The following ITGA2B variants were observed in gnomAD, a reference collection of about 807,000 sequenced individuals.
The protein encoded by ITGA2B is integrin alpha-IIb.
In ITGA2B, 91 loss-of-function variants were observed where a neutral mutation model predicts 142.0. The observed-to-expected ratio is 0.64, with a 90% CI of 0.54 to 0.76. The LOEUF (loss-of-function observed/expected upper bound fraction) is 0.76. Ranked by LOEUF, ITGA2B falls within the 30% of genes least tolerant of loss-of-function variation. The probability of loss-of-function intolerance (pLI) is 0.00; values close to 1 mark genes in which losing one functional copy is unlikely to be tolerated. For synonymous variants in ITGA2B, 536 were observed against 567.2 expected (o/e 0.94, Z 0.78); for missense variants, 1,231 against 1,350.8 (o/e 0.91, Z 1.39).
At chr17:44,379,664 C>T (rs1278005640) in intron 18 of ITGA2B, 25 bp downstream of exon 18, 3 of 1,613,804 alleles carry the variant, frequency 1.9e-6, no homozygotes, top group Non-Finnish European at 2.5e-6. Context: ...CTGCACCTCC[C>T]TGGCCTGTCC....
chr17:44,377,192 C>A, intron 21 of ITGA2B, 104 bp from the exon 22 acceptor site: 1 of 835,322 alleles, frequency 1.2e-6, no homozygotes, highest in Non-Finnish European at 1.9e-6. Flanking sequence ...CACCACTATT[C>A]TTTTTCTTTT....
At chr17:44,384,791 G>C (rs2048629179) in intron 7 of ITGA2B, among the ~76,000 whole-genome samples, 157 bp downstream of exon 7, 1 of 152,186 alleles carries the variant, frequency 6.6e-6, no homozygotes, top group Non-Finnish European at 1.5e-5. Context: ...GGAGGTGGGC[G>C]GTCTGCGGGG....
chr17:44,381,746 A>C (rs932799807), intron 12 of ITGA2B, among the ~76,000 whole-genome samples: 1 of 151,068 alleles, frequency 6.6e-6, no homozygotes, highest in African/African-American at 2.4e-5. Flanking sequence ...CAATCCTCCC[A>C]CCTCAGCTTC....
chr17:44,373,457 G>A (rs950423605), intron 29 of ITGA2B, among the ~76,000 whole-genome samples: 1 of 152,182 alleles, frequency 6.6e-6, no homozygotes, highest in Non-Finnish European at 1.5e-5. Flanking sequence ...TTATACTGAA[G>A]TTTGTGTCTG....
intron 26 of ITGA2B, 162 bp from the exon 27 acceptor site, chr17:44,375,273 T>TC (rs1206986696): frequency 1.4e-6 from 1 of 695,816 alleles, no homozygotes; most frequent in Non-Finnish European, 2.5e-6. Flanking sequence ...ATGCTGTCTT[T>TC]CCACGGGCTT....
rs1598375953 is a variant in ITGA2B, at chr17:44,374,937, C to T, written c.2841+61G>A. On this transcript the variant is annotated intron_variant, in intron 27 of 29. Coordinates refer to ENST00000262407, the MANE Select transcript of ITGA2B (RefSeq NM_000419.5). ...CCCTCCCACACCAAACCCCGCCCCT[C>T]CCAGAGCAAAGTGGTCCCCGCCCAG... The T allele has an allele frequency of 5.7e-6, 8 of 1,407,082 alleles. No individual in the cohort carries two copies. In the East Asian group the frequency reaches 2.0e-4, roughly 35 times the overall value. 87.2% of individuals were successfully genotyped at this position (1,407,082 alleles called of 1,614,324 possible). A position where few individuals can be genotyped will look rare whatever the true frequency, so the allele number is the denominator to read the frequency against.
rs764369526 is a variant in ITGA2B, at chr17:44,379,739, C to T, written c.1828G>A (p.Gly610Arg). ...TGCAGCACGACAGCAGGGGCCATTC[C>T]AGCCTCCGTGGGCGGTAGGGACACA... is the stretch of plus-strand genomic sequence containing the variant. ...LNVSLPPTEA[G>R]MAPAVVLHGD... The change falls in exon 18 of 30, where the codon GGA becomes AGA. Residue 610 changes from glycine to arginine, a missense_variant. By Grantham distance (125) the Gly-to-Arg change is moderately radical. Around this residue, in one of 3 missense-constraint regions of ITGA2B, gnomAD observed 908 missense variants for 1,021.1 expected, o/e 0.89. Transcript: ENST00000262407. The T allele has an allele frequency of 6.2e-7, 1 of 1,613,994 alleles. No homozygotes were observed. Among genetic ancestry groups the T allele is most frequent in the South Asian group, 1.1e-5 (1 of 91,086 alleles).
Position 44,389,134 on chromosome 17 carries a change from C to T in ITGA2B, c.188+152G>A, listed in dbSNP as rs555185939. 8.2e-5 allele frequency: 74 copies of T among 899,386 alleles called. 1 individual carries two copies. Among genetic ancestry groups the T allele is most frequent in the Middle Eastern group, 5.0e-4 (2 of 3,986 alleles). The allele number at this position is 899,386 out of a possible 1,614,324, so 55.7% of individuals were successfully genotyped here. ...CCTTCACCTGAGCCAGTCCCCTGGA[C>T]CCCAACATTCTTGACAAGAAATCAA... On this transcript the variant is annotated intron_variant, in intron 1 of 29. Coordinates refer to ENST00000262407, the MANE Select transcript of ITGA2B (RefSeq NM_000419.5).
chr17:44,376,227 T>C (rs1396013139), intron 23 of ITGA2B, 43 bp from the exon 24 acceptor site: 10 of 1,613,620 alleles, frequency 6.2e-6, no homozygotes, highest in Non-Finnish European at 7.6e-6. Context: ...GATGCCCTGA[T>C]TGGCCTGTGA....
chr17:44,384,137 A>G lies in ITGA2B; in HGVS notation c.893T>C (p.Val298Ala). Residue 298 changes from valine to alanine, a missense_variant and splice_region_variant, in exon 10 of 30, where the codon GTG becomes GCG. Around this residue, in one of 3 missense-constraint regions of ITGA2B, gnomAD observed 908 missense variants for 1,021.1 expected, o/e 0.89. Coordinates refer to ENST00000262407, the MANE Select transcript of ITGA2B (RefSeq NM_000419.5). ...CTGGTAGTAGGAATCCAAAATTTCCACCTGCACGGACAGCGCAGGCGAGAG... is the reference window on the plus strand; with the variant it reads ...CTGGTAGTAGGAATCCAAAATTTCCGCCTGCACGGACAGCGCAGGCGAGAG... ...APTWSWTLGA[V>A]EILDSYYQRL... is the part of the protein sequence containing the mutation. 6.2e-7 allele frequency: 1 copy of G among 1,613,370 alleles called. No homozygotes were observed. The highest frequency in any genetic ancestry group is 8.5e-7 in the Non-Finnish European group (1 of 1,179,826).
At chr17:44,382,311 TC>T (rs1436044661) in intron 12 of ITGA2B, among the ~76,000 whole-genome samples, 1 of 151,970 alleles carries the variant, frequency 6.6e-6, no homozygotes, top group Non-Finnish European at 1.5e-5. Flanking sequence ...TTTTTTTTTT[TC>T]CTTTCTATTC....
rs773301639 is a variant in ITGA2B at position 44,389,466 on chromosome 17, C to T, written c.8G>A (p.Arg3Lys). The T allele has an allele frequency of 1.9e-6, 3 of 1,613,470 alleles. No individual in the cohort carries two copies. Among genetic ancestry groups the T allele is most frequent in the Non-Finnish European group, 2.5e-6 (3 of 1,179,950 alleles). The change falls in exon 1 of 30, where the codon AGA (arginine) becomes AAA (lysine). Residue 3 changes from arginine to lysine, a missense_variant. Arg to Lys is a conservative substitution (Grantham distance 26). Transcript: ENST00000262407. The stretch of plus-strand genomic sequence containing the variant: ...GAGGGCTTGCAGTGGACACAAAGCT[C>T]TGGCCATCTTCCTTCTTCCACAACC... MA[R>K]ALCPLQALWL...
rs2143476315 is a variant in ITGA2B at position 44,383,590 on chromosome 17, C to G, written c.1113G>C (p.Leu371=). Residue 371 remains leucine, a synonymous_variant, in exon 12 of 30, where the codon CTG becomes CTC. Coordinates refer to ENST00000262407, the MANE Select transcript of ITGA2B (RefSeq NM_000419.5). ...CAGTCAGCAGGAGGCTGGGGGCACC[C>G]AGCGCGTGGGGGCCTCGCGGCTGCA... The part of the protein sequence containing the change: ...LFLQPRGPHA[L]GAPSLLLTGT... 2 of 1,611,194 alleles carry G rather than the reference C, an allele frequency of 1.2e-6. No individual in the cohort carries two copies. The highest frequency in any genetic ancestry group is 4.5e-5 in the East Asian group (2 of 44,806).
At chr17:44,387,397 C>T (rs911818279) in intron 1 of ITGA2B, among the ~76,000 whole-genome samples, 23 of 152,022 alleles carry the variant, frequency 1.5e-4, no homozygotes, top group East Asian at 1.9e-4. Context: ...GTGGCATGCA[C>T]CTGTAATCCC....
Position 44,388,425 on chromosome 17 carries a change from C to T in ITGA2B, c.188+861G>A, listed in dbSNP as rs1285328746. ...AGGCTGGAGTGCAATGGCATGATCTCGGCTCACCACAACCTCTGCCTCTCA... is the reference window on the plus strand; with the variant it reads ...AGGCTGGAGTGCAATGGCATGATCTTGGCTCACCACAACCTCTGCCTCTCA... On this transcript the variant is annotated intron_variant, in intron 1 of 29. Transcript: ENST00000262407. 5.5e-5 allele frequency among the ~76,000 whole-genome samples: 8 copies of T among 145,716 alleles called. 1 individual carries two copies. The South Asian group carries it at 1.3e-3, about 24-fold the overall frequency.
intron 1 of ITGA2B, 60 bp from the exon 2 acceptor site, chr17:44,386,191 C>T (rs1020264603): frequency 1.9e-6 from 3 of 1,541,406 alleles, no homozygotes; most frequent in Middle Eastern, 1.9e-4. Context: ...GCCCTGGCGC[C>T]GGCGCTGGGA....
rs759187783 is a variant in ITGA2B, at chr17:44,383,702, C to T, written c.1001G>A (p.Arg334Lys). The T allele has an allele frequency of 6.4e-7, 1 of 1,573,348 alleles. No homozygotes were observed. The highest frequency in any genetic ancestry group is 8.6e-7 in the Non-Finnish European group (1 of 1,158,786). ...VAVTDVNGDG[R>K]HDLLVGAPLY... ...TGGAGCGCCCACCAGCAGATCATGC[C>T]TCCTGTGGGCCAGATGAGTGGTTAC... The change falls in exon 12 of 30, where the codon AGG becomes AAG. Residue 334 changes from arginine to lysine, a missense_variant and splice_region_variant. This residue lies in a region of ITGA2B where 908 missense variants were observed against 1,021.1 expected (regional missense o/e 0.89). Transcript: ENST00000262407.
chr17:44,384,640 G>A, intron 7 of ITGA2B, 55 bp from the exon 8 acceptor site: 4 of 1,588,796 alleles, frequency 2.5e-6, no homozygotes, highest in Non-Finnish European at 3.5e-6. Context: ...CAGAGGGGAC[G>A]GAGGGCAAAG....
intron 13 of ITGA2B, 35 bp downstream of exon 13, chr17:44,380,844 C>G (rs1157742513): frequency 6.2e-7 from 1 of 1,613,292 alleles, no homozygotes; most frequent in South Asian, 1.1e-5. Context: ...AAGGGCCTTT[C>G]TTGGGCATTT....
Sources: gnomAD v4.1 joint callset for allele counts (sites outside exome capture counted in the v4.1 genomes callset) on GRCh38, gnomAD v4.1.1 for gene constraint, gnomAD v4.1.1 regional missense constraint, MANE v1.5 for transcripts, NCBI Gene and HGNC (gene_info 2026-07-23, HGNC 2026-07-21) for gene names.